KCNQ1: variants seen among roughly 807,000 people sequenced by gnomAD.
KCNQ1 encodes the protein potassium voltage-gated channel subfamily KQT member 1.
A neutral mutation model predicts 72.4 loss-of-function variants in KCNQ1; 49 were observed. The ratio of observed to expected loss-of-function variants is 0.68; its 90% CI spans 0.54 to 0.86. The LOEUF (loss-of-function observed/expected upper bound fraction) is 0.86, where lower values mean the gene tolerates loss of function less well. KCNQ1 is among the 40% of genes least tolerant of loss of function. The probability of loss-of-function intolerance (pLI) is 0.00; values close to 1 mark genes in which losing one functional copy is unlikely to be tolerated. For missense variants in KCNQ1, 790 were observed against 945.1 expected, an observed-to-expected ratio of 0.84 and a Z score of 2.15; for synonymous variants, 450 against 412.6, an observed-to-expected ratio of 1.09 and a Z score of -1.10.
rs1845729959 is a variant in KCNQ1 at position 2,724,780 on chromosome 11, C to T, written c.1515-44064C>T. ...AGTTGGGGGAAGGGGCCAGTTCACC[C>T]ACAGAGGGTGGAGTCACTGGGCTGA... On this transcript the variant is annotated intron_variant, in intron 11 of 15. Coordinates refer to ENST00000155840, the MANE Select transcript of KCNQ1 (RefSeq NM_000218.3). This position sits in a 1 kb window ranked among gnomAD's most constrained non-coding sequence, Gnocchi z 6.8. 6.6e-6 allele frequency among the ~76,000 whole-genome samples: 1 copy of T among 152,192 alleles called. No homozygotes were observed. Among genetic ancestry groups the T allele is most frequent in the Admixed American group, 6.5e-5 (1 of 15,284 alleles).
chr11:2,461,748 G>A (rs879658377), intron 1 of KCNQ1: 19 of 1,363,082 alleles, frequency 1.4e-5, no homozygotes, highest in Non-Finnish European at 1.9e-5. Flanking sequence ...ATAGGCAGAG[G>A]AAGGGATGGG....
At position 2,750,603 on chromosome 11, in the gene KCNQ1, C is replaced by T. The variant is rs1196210811; in HGVS notation, c.1515-18241C>T. The stretch of plus-strand genomic sequence containing the variant: ...GCTTTGGAAGGCAGTGCTCACAAAT[C>T]ACTTTTCTAGACGAAGACCAGTAAG... On this transcript the variant is annotated intron_variant, in intron 11 of 15. Transcript: ENST00000155840. The surrounding 1 kb of genome is among the most constrained non-coding windows in gnomAD (Gnocchi z 6.3). 6.6e-6 allele frequency among the ~76,000 whole-genome samples: 1 copy of T among 152,198 alleles called. No individual in the cohort carries two copies. Among genetic ancestry groups the T allele is most frequent in the Non-Finnish European group, 1.5e-5 (1 of 68,026 alleles).
intron 2 of KCNQ1, among the ~76,000 whole-genome samples, chr11:2,551,209 C>G (rs550563943): frequency 6.6e-6 from 1 of 152,164 alleles, no homozygotes; most frequent in Admixed American, 6.5e-5. Context: ...GTAACCACCC[C>G]CAAAGTCAAG....
At chr11:2,584,273 C>CT (rs58995241) in intron 7 of KCNQ1, among the ~76,000 whole-genome samples, 152,362 of 152,366 alleles carry the variant, frequency 1, 76,179 homozygotes, top group Middle Eastern at 1. Flanking sequence ...CATCTATGTG[C>CT]GTATATGTGT....
chr11:2,532,585 T>A (rs1427920251), intron 2 of KCNQ1, among the ~76,000 whole-genome samples: 1 of 152,018 alleles, frequency 6.6e-6, no homozygotes, highest in Non-Finnish European at 1.5e-5. Context: ...GGGCCGAGAC[T>A]GAGGCGTGGG....
At chr11:2,692,874 G>A in intron 11 of KCNQ1, 2 of 398,674 alleles carry the variant, frequency 5.0e-6, no homozygotes, top group Non-Finnish European at 8.8e-6. Context: ...AAGGCACTGT[G>A]CTGTGTAGAT....
At position 2,661,743 on chromosome 11, in the gene KCNQ1, G is replaced by A. The variant is rs1019149964; in HGVS notation, c.1394-218G>A. On this transcript the variant is annotated intron_variant, in intron 10 of 15. Coordinates refer to ENST00000155840, the MANE Select transcript of KCNQ1 (RefSeq NM_000218.3). This position sits in a 1 kb window ranked among gnomAD's most constrained non-coding sequence, Gnocchi z 5.9. ...TTACCACTCCGAAGATGATTCACTGGCCTTTATTCTCCTCAGACACTGAGG... is the reference window on the plus strand; with the variant it reads ...TTACCACTCCGAAGATGATTCACTGACCTTTATTCTCCTCAGACACTGAGG... The A allele has an allele frequency of 1.4e-5, 9 of 623,304 alleles. No homozygotes were observed. Among genetic ancestry groups the A allele is most frequent in the Admixed American group, 7.6e-5 (3 of 39,296 alleles). The allele number at this position is 623,304 out of a possible 1,614,324, so 38.6% of individuals were successfully genotyped here.
intron 10 of KCNQ1, among the ~76,000 whole-genome samples, chr11:2,591,893 C>T (rs113498864): frequency 0.012 from 1,902 of 152,350 alleles, 31 homozygotes; most frequent in South Asian, 0.045. Context: ...CCTGATAATC[C>T]GGAGTCCCCT....
At position 2,602,768 on chromosome 11, in the gene KCNQ1, G is replaced by A. The variant is rs934086728; in HGVS notation, c.1393+13914G>A. ...ATATCATTTTTCCATTTCCCAATTA[G>A]ACTTTTTGTTAACTGTCGAGTTTTG... is the stretch of plus-strand genomic sequence containing the variant. On this transcript the variant is annotated intron_variant, in intron 10 of 15. Transcript: ENST00000155840. This position sits in a 1 kb window ranked among gnomAD's most constrained non-coding sequence, Gnocchi z 4.8. Among the ~76,000 whole-genome samples, 8 of 152,106 alleles carry A rather than the reference G, an allele frequency of 5.3e-5. No individual in the cohort carries two copies. The highest frequency in any genetic ancestry group is 1.9e-4 in the African/African-American group (8 of 41,406).
At position 2,471,940 on chromosome 11, in the gene KCNQ1, G is replaced by A. The variant is rs559228253; in HGVS notation, c.386+26456G>A. The stretch of plus-strand genomic sequence containing the variant: ...TGTGTGTATAGGCGTGTATGTGTGC[G>A]CGTGTGTAGGTGTGTGTTCATATAT... On this transcript the variant is annotated intron_variant, in intron 1 of 15. Coordinates refer to ENST00000155840, the MANE Select transcript of KCNQ1 (RefSeq NM_000218.3). This position sits in a 1 kb window ranked among gnomAD's most constrained non-coding sequence, Gnocchi z 4.8. Among the ~76,000 whole-genome samples the A allele has an allele frequency of 8.6e-4, 130 of 151,596 alleles. No individual in the cohort carries two copies. The highest frequency in any genetic ancestry group is 1.3e-3 in the Admixed American group (20 of 15,252).
At position 2,559,558 on chromosome 11, in the gene KCNQ1, G is replaced by C; in HGVS notation, c.478-11070G>C. Among the ~76,000 whole-genome samples the C allele has an allele frequency of 6.6e-6, 1 of 152,344 alleles. No homozygotes were observed. The highest frequency in any genetic ancestry group is 2.1e-4 in the South Asian group (1 of 4,832). Reference sequence around the variant, plus strand: ...AGACGACAGCTGTCACCCACTTGCAGGGCCCGGCTGCCCGGTGGATGGGAA... The same window carrying C: ...AGACGACAGCTGTCACCCACTTGCACGGCCCGGCTGCCCGGTGGATGGGAA... On this transcript the variant is annotated intron_variant, in intron 2 of 15. Coordinates refer to ENST00000155840, the MANE Select transcript of KCNQ1 (RefSeq NM_000218.3). The surrounding 1 kb of genome is among the most constrained non-coding windows in gnomAD (Gnocchi z 4.9).
chr11:2,608,817 G>C lies in KCNQ1; in HGVS notation c.1393+19963G>C. 3 of 398,442 alleles carry C rather than the reference G, an allele frequency of 7.5e-6. No homozygotes were observed. The highest frequency in any genetic ancestry group is 1.3e-5 in the Non-Finnish European group (3 of 226,038). The allele number at this position is 398,442 out of a possible 1,614,324, so 24.7% of individuals were successfully genotyped here. On this transcript the variant is annotated intron_variant, in intron 10 of 15. Transcript: ENST00000155840. This position sits in a 1 kb window ranked among gnomAD's most constrained non-coding sequence, Gnocchi z 4.6. ...TTTTTTTGCTTTAATTTGTAAAACT[G>C]TCATTCATTTCTGATTTTAGTAATT... is the stretch of plus-strand genomic sequence containing the variant.
intron 15 of KCNQ1, among the ~76,000 whole-genome samples, chr11:2,832,410 G>C (rs979878682): frequency 3.3e-4 from 50 of 152,270 alleles, no homozygotes; most frequent in African/African-American, 1.2e-3. Flanking sequence ...GGCCGTCAGA[G>C]CTCCGACCGC....
Position 2,458,897 on chromosome 11 carries a change from G to T in KCNQ1, c.386+13413G>T, listed in dbSNP as rs1261716758. Among the ~76,000 whole-genome samples, 1 of 152,186 alleles carries T rather than the reference G, an allele frequency of 6.6e-6. No homozygotes were observed. The highest frequency in any genetic ancestry group is 2.4e-5 in the African/African-American group (1 of 41,452). On this transcript the variant is annotated intron_variant, in intron 1 of 15. Transcript: ENST00000155840. The surrounding 1 kb of genome is among the most constrained non-coding windows in gnomAD (Gnocchi z 4.6). ...GGAAAGAATCACCTATCCACCAATT[G>T]TGACATATGGCCTTAGTTAGGTCCT...
At chr11:2,771,947 C>G (rs1846607549) in intron 12 of KCNQ1, among the ~76,000 whole-genome samples, 1 of 152,194 alleles carries the variant, frequency 6.6e-6, no homozygotes, top group Non-Finnish European at 1.5e-5. Flanking sequence ...GAAACCCCCA[C>G]CCCACTGTCT....
intron 10 of KCNQ1, chr11:2,643,135 C>A (rs1348043242): frequency 2.5e-6 from 1 of 398,180 alleles, no homozygotes; most frequent in East Asian, 3.6e-5. Flanking sequence ...GTATATTCTG[C>A]AGCTGTTTTA....
In KCNQ1 at chr11:2,795,131, C is replaced by A. The variant is rs1295427507; in HGVS notation, c.1794+17094C>A. Among the ~76,000 whole-genome samples the A allele has an allele frequency of 2.0e-5, 3 of 152,234 alleles. No homozygotes were observed. In the East Asian group the frequency reaches 5.8e-4, roughly 29 times the overall value. On this transcript the variant is annotated intron_variant, in intron 15 of 15. Coordinates refer to ENST00000155840, the MANE Select transcript of KCNQ1 (RefSeq NM_000218.3). ...GCTCCACCCCACAGCAGCCAAGAAG[C>A]CAGGGCATCACTTGACCTTCCGCTG...
At position 2,767,120 on chromosome 11, in the gene KCNQ1, G is replaced by T. The variant is rs149439244; in HGVS notation, c.1515-1724G>T. 6.7e-3 allele frequency among the ~76,000 whole-genome samples: 1,022 copies of T among 152,228 alleles called. 9 individuals carry two copies. The highest frequency in any genetic ancestry group is 0.023 in the African/African-American group (974 of 41,520). Reference sequence around the variant, plus strand: ...GAGGCGGAGGCTGCAGTGAGCCGAGGTTGTGCCACTGCACTCCAGCCTGGC... The same window carrying T: ...GAGGCGGAGGCTGCAGTGAGCCGAGTTTGTGCCACTGCACTCCAGCCTGGC... On this transcript the variant is annotated intron_variant, in intron 11 of 15. Transcript: ENST00000155840. This position sits in a 1 kb window ranked among gnomAD's most constrained non-coding sequence, Gnocchi z 4.6.
At chr11:2,513,741 T>C (rs1035853089) in intron 1 of KCNQ1, among the ~76,000 whole-genome samples, 2 of 152,190 alleles carry the variant, frequency 1.3e-5, no homozygotes, top group Non-Finnish European at 2.9e-5. Context: ...TGGGTTCTCC[T>C]CTCTCCTCTG....
Sources: gnomAD v4.1 joint callset for allele counts (sites outside exome capture counted in the v4.1 genomes callset) on GRCh38, gnomAD v4.1.1 for gene constraint, Gnocchi (gnomAD v3.1) non-coding constraint, MANE v1.5 for transcripts, NCBI Gene and HGNC (gene_info 2026-07-23, HGNC 2026-07-21) for gene names.